The following NTRK1 variants were observed in gnomAD, a reference collection of about 807,000 sequenced individuals.
NTRK1 encodes neurotrophic receptor tyrosine kinase 1, also known as high affinity nerve growth factor receptor.
A neutral mutation model predicts 86.8 loss-of-function variants in NTRK1; 62 were observed. The ratio of observed to expected loss-of-function variants is 0.71; its 90% CI spans 0.58 to 0.88. NTRK1 has a LOEUF of 0.88. Among genes scored for constraint, NTRK1 ranks in the 40% least tolerant of loss-of-function variants. The pLI, the probability that NTRK1 is intolerant of heterozygous loss-of-function variation, is 0.00. For missense variants in NTRK1, 967 were observed against 1,078.4 expected (o/e 0.90, Z 1.45); for synonymous variants, 469 against 456.6 (o/e 1.03, Z -0.35).
At chr1:156,861,444 C>T (rs930718576) in intron 1 of NTRK1, among the ~76,000 whole-genome samples, 1 of 152,214 alleles carries the variant, frequency 6.6e-6, no homozygotes, top group Admixed American at 6.5e-5. Context: ...GTCTAGAAGG[C>T]GCTTTCTGGA....
chr1:156,849,539 C>G, intron 2 of NTRK1: 1 of 1,112,274 alleles, frequency 9.0e-7, no homozygotes, highest in Non-Finnish European at 1.3e-6. Context: ...TGGGTTCCTC[C>G]TGGAAGGGTT....
chr1:156,879,277 G>A lies in NTRK1; in HGVS notation c.1961G>A (p.Arg654His), dbSNP rs750168062. 22 of 1,613,664 alleles carry A rather than the reference G, an allele frequency of 1.4e-5. No individual in the cohort carries two copies. The highest frequency in any genetic ancestry group is 2.2e-5 in the East Asian group (1 of 44,886). Residue 654 changes from arginine (R) to histidine (H), a missense_variant, in exon 15 of 17, where the codon CGC (arginine) becomes CAC (histidine). Arg to His is a conservative substitution (Grantham distance 29). Transcript: ENST00000524377. ...LHFVHRDLAT[R>H]NCLVGQGLVV... The stretch of plus-strand genomic sequence containing the variant: ...TTTGTGCACCGGGACCTGGCCACAC[G>A]CAACTGTCTAGTGGGCCAGGGACTG...
In NTRK1 at chr1:156,880,163, C is replaced by A. The variant is rs199928343; in HGVS notation, c.2205+6C>A. 1.9e-6 allele frequency: 3 copies of A among 1,612,792 alleles called. No homozygotes were observed. Among genetic ancestry groups the A allele is most frequent in the East Asian group, 2.2e-5 (1 of 44,858 alleles). ...ACCAGCTCTCCAACACGGAGGTCAG[C>A]CCCGGCCCATGGTCACCCCTTGCTG... On this transcript the variant is annotated splice_donor_region_variant and intron_variant, in intron 16 of 16. Coordinates refer to ENST00000524377, the MANE Select transcript of NTRK1 (RefSeq NM_002529.4).
chr1:156,875,032 G>C (rs752431507), intron 11 of NTRK1, 24 bp downstream of exon 11: 5 of 1,470,090 alleles, frequency 3.4e-6, no homozygotes, highest in Non-Finnish European at 4.8e-6. Context: ...GCAGAGGGCT[G>C]TCTGTCTGTC....
intron 16 of NTRK1, chr1:156,880,419 C>A: frequency 1.8e-6 from 1 of 553,826 alleles, no homozygotes; most frequent in South Asian, 2.1e-5. Flanking sequence ...ACAAGGAGCC[C>A]AGACCCCCAT....
chr1:156,855,573 A>C (rs1168600855), intron 2 of NTRK1, among the ~76,000 whole-genome samples: 1 of 152,002 alleles, frequency 6.6e-6, no homozygotes, highest in Non-Finnish European at 1.5e-5. Flanking sequence ...CTGTAATTCC[A>C]GCACTTTGGG....
chr1:156,822,609 GA>G (rs35686944), intron 1 of NTRK1, among the ~76,000 whole-genome samples: 9,131 of 81,236 alleles, frequency 0.11, 325 homozygotes, highest in South Asian at 0.15. Context: ...TAAAAGATTA[GA>G]AAAAAAAAAA....
intron 2 of NTRK1, among the ~76,000 whole-genome samples, chr1:156,853,465 C>T (rs894771946): frequency 3.9e-5 from 6 of 152,194 alleles, no homozygotes; most frequent in Non-Finnish European, 7.3e-5. Context: ...CTGCTTCTTG[C>T]GCTGCCTACT....
At chr1:156,872,793 A>G (rs992437481) in intron 7 of NTRK1, among the ~76,000 whole-genome samples, 3 of 150,482 alleles carry the variant, frequency 2.0e-5, no homozygotes, top group African/African-American at 7.4e-5. Context: ...CTCCTGCTTC[A>G]GCCTCCTGAG....
At chr1:156,826,415 C>T (rs1193491823) in intron 1 of NTRK1, among the ~76,000 whole-genome samples, 1 of 149,912 alleles carries the variant, frequency 6.7e-6, no homozygotes, top group African/African-American at 2.4e-5. Context: ...ATTCTCCTGC[C>T]TCAGCCTCCC....
chr1:156,844,915 C>A, intron 2 of NTRK1: 1 of 1,591,046 alleles, frequency 6.3e-7, no homozygotes, highest in South Asian at 1.1e-5. Context: ...CCAAGCTAAA[C>A]TGGGCTGAGC....
rs549485984 is a variant in NTRK1 at position 156,866,818 on chromosome 1, A to G, written c.360-92A>G. 498 of 1,357,618 alleles carry G rather than the reference A, an allele frequency of 3.7e-4. 4 individuals are homozygous for G. The South Asian group carries it at 5.5e-3, about 15-fold the overall frequency. 84.1% of individuals were successfully genotyped at this position (1,357,618 alleles called of 1,614,324 possible). A position where few individuals can be genotyped will look rare whatever the true frequency, so the allele number is the denominator to read the frequency against. ...GCCGGGGCGGGGGAGCCAGATGTCA[A>G]CTTCTTTCTTGGCTCCTCCCCTCCC... On this transcript the variant is annotated intron_variant, in intron 3 of 16. Coordinates refer to ENST00000524377, the MANE Select transcript of NTRK1 (RefSeq NM_002529.4).
At chr1:156,848,005 A>T (rs1227273784) in intron 2 of NTRK1, among the ~76,000 whole-genome samples, 1 of 152,130 alleles carries the variant, frequency 6.6e-6, no homozygotes, top group African/African-American at 2.4e-5. Context: ...AGCATCTCCT[A>T]GGAGCTTATT....
At chr1:156,851,481 G>A in intron 2 of NTRK1, 3 of 1,611,936 alleles carry the variant, frequency 1.9e-6, no homozygotes, top group Non-Finnish European at 2.5e-6. Context: ...GAAGGTGATG[G>A]GTCTGTGGGG....
intron 1 of NTRK1, among the ~76,000 whole-genome samples, chr1:156,821,117 A>G (rs1467047063): frequency 6.6e-6 from 1 of 151,966 alleles, no homozygotes; most frequent in African/African-American, 2.4e-5. Context: ...AAAGGGATTG[A>G]GTTATTGATT....
intron 2 of NTRK1, among the ~76,000 whole-genome samples, chr1:156,848,306 A>G (rs1177198492): frequency 1.3e-5 from 2 of 151,836 alleles, no homozygotes; most frequent in Non-Finnish European, 2.9e-5. Context: ...AATATCTACC[A>G]GAGAGAGAGA....
chr1:156,849,212 C>A, intron 2 of NTRK1: 1 of 1,609,952 alleles, frequency 6.2e-7, no homozygotes, highest in South Asian at 1.1e-5. Flanking sequence ...AGTGTGTGGC[C>A]GCGTGTCCAC....
At chr1:156,840,607 G>C in intron 1 of NTRK1, 1 of 525,718 alleles carries the variant, frequency 1.9e-6, no homozygotes, top group Non-Finnish European at 3.4e-6. Flanking sequence ...TACCTCTGAG[G>C]GCAGGACATC....
Position 156,864,390 on chromosome 1 carries a change from G to A in NTRK1, c.249G>A (p.Glu83=), listed in dbSNP as rs995601637. ...IENQQHLQHL[E]LRDLRGLGEL... ...ACCAGCAGCATCTGCAGCATCTGGA[G>A]CTCCGTGATCTGAGGGGCCTGGGGG... The change falls in exon 2 of 17, where the codon GAG becomes GAA. Residue 83 remains glutamate (E), a synonymous_variant. Coordinates refer to ENST00000524377, the MANE Select transcript of NTRK1 (RefSeq NM_002529.4). The A allele has an allele frequency of 1.9e-6, 3 of 1,614,034 alleles. No individual in the cohort carries two copies. The highest frequency in any genetic ancestry group is 2.7e-5 in the African/African-American group (2 of 74,918).
Sources: allele counts gnomAD v4.1 joint callset (sites outside exome capture counted in the v4.1 genomes callset), GRCh38; gene constraint gnomAD v4.1.1; transcripts MANE v1.5; gene names NCBI Gene and HGNC (gene_info 2026-07-23, HGNC 2026-07-21).